NCAPH: variants seen among roughly 807,000 people sequenced by gnomAD.
NCAPH encodes the protein non-SMC condensin I complex subunit H.
Under a neutral mutation model 85.5 loss-of-function variants are expected in NCAPH, and 38 were observed. The ratio of observed to expected loss-of-function variants is 0.44; its 90% CI spans 0.34 to 0.58. The LOEUF is 0.58. NCAPH is among the 20% of genes least tolerant of loss of function. The probability of loss-of-function intolerance (pLI) is 0.01; values close to 1 mark genes in which losing one functional copy is unlikely to be tolerated. For missense variants in NCAPH, 789 were observed against 916.6 expected (o/e 0.86, Z 1.80); for synonymous variants, 301 against 335.1 (o/e 0.90, Z 1.11).
At chr2:96,366,636 T>C (rs377728934) in intron 14 of NCAPH, among the ~76,000 whole-genome samples, 1 of 152,106 alleles carries the variant, frequency 6.6e-6, no homozygotes. Context: ...CCCAGCACTT[T>C]GGGAGGCCAA....
In NCAPH at chr2:96,373,359, A is replaced by G. The variant is rs1374357979; in HGVS notation, c.*8A>G. On this transcript the variant is annotated 3_prime_UTR_variant, in exon 18 of 18. Transcript: ENST00000240423. Reference sequence around the variant, plus strand: ...GTGAGGCAAGGAGATTGAGTTCACTATGGAGAAGTCAGCAGCAGGAGGCCC... The same window carrying G: ...GTGAGGCAAGGAGATTGAGTTCACTGTGGAGAAGTCAGCAGCAGGAGGCCC... The G allele has an allele frequency of 1.9e-6, 3 of 1,613,084 alleles. No homozygotes were observed. Among genetic ancestry groups the G allele is most frequent in the Admixed American group, 1.7e-5 (1 of 59,966 alleles).
chr2:96,347,951 C>T (rs1210930614), intron 6 of NCAPH, among the ~76,000 whole-genome samples: 5 of 152,122 alleles, frequency 3.3e-5, no homozygotes, highest in South Asian at 4.2e-4. Flanking sequence ...GAGCAGCTGG[C>T]TCTTGTGGGG....
intron 6 of NCAPH, among the ~76,000 whole-genome samples, chr2:96,350,445 G>C (rs916990628): frequency 1.3e-5 from 2 of 152,230 alleles, no homozygotes; most frequent in South Asian, 4.2e-4. Context: ...ACTCTGGATA[G>C]CATTTGAGAA....
intron 9 of NCAPH, 97 bp downstream of exon 9, chr2:96,354,485 T>C (rs1436435359): frequency 1.6e-5 from 18 of 1,093,046 alleles, no homozygotes; most frequent in South Asian, 4.8e-5. Flanking sequence ...TTTCTTTCTT[T>C]TTTTTTCCCC....
rs975653567 is a variant in NCAPH at position 96,367,140 on chromosome 2, C to T, written c.1882-117C>T. ...AACAAAACAAGAGAGCTCTGTAGCT[C>T]CTTGGTTGAAACTGGATTCCTTCTT... On this transcript the variant is annotated intron_variant, in intron 14 of 17. Transcript: ENST00000240423. 11 of 663,236 alleles carry T rather than the reference C, an allele frequency of 1.7e-5. No individual in the cohort carries two copies. The African/African-American group carries it at 2.0e-4, about 12-fold the overall frequency. 41.1% of individuals were successfully genotyped at this position (663,236 alleles called of 1,614,324 possible).
rs753518359 is a variant in NCAPH at position 96,344,085 on chromosome 2, A to G, written c.596-20A>G. 1 of 1,604,338 alleles carries G rather than the reference A, an allele frequency of 6.2e-7. No individual in the cohort carries two copies. The highest frequency in any genetic ancestry group is 8.5e-7 in the Non-Finnish European group (1 of 1,177,064). ...CTTCAAAGCAGCCCTTGCAGTACGC[A>G]ATTGTATTTCTCCTTTTAGATGGAA... On this transcript the variant is annotated intron_variant, in intron 5 of 17. Transcript: ENST00000240423.
At chr2:96,365,748 G>A (rs886494864) in intron 13 of NCAPH, 128 bp from the exon 14 acceptor site, 11 of 901,448 alleles carry the variant, frequency 1.2e-5, no homozygotes, top group East Asian at 2.4e-5. Context: ...GAAGTTCATC[G>A]TAGTGTAACT....
chr2:96,354,403 G>A lies in NCAPH; in HGVS notation c.1208+15G>A, dbSNP rs2064493673. The A allele has an allele frequency of 6.6e-7, 1 of 1,515,670 alleles. No individual in the cohort carries two copies. The highest frequency in any genetic ancestry group is 1.4e-5 in the African/African-American group (1 of 70,958). 93.9% of individuals were successfully genotyped at this position (1,515,670 alleles called of 1,614,324 possible). On this transcript the variant is annotated intron_variant, in intron 9 of 17. Coordinates refer to ENST00000240423, the MANE Select transcript of NCAPH (RefSeq NM_015341.5). ...CAGAGCTGCCAGTAAGGCTCTCAGA[G>A]TCCGAAAGTGTTTCTATAGGAGTTT...
intron 6 of NCAPH, among the ~76,000 whole-genome samples, chr2:96,345,751 T>G (rs1019177838): frequency 2.4e-4 from 36 of 152,054 alleles, no homozygotes; most frequent in African/African-American, 6.3e-4. Flanking sequence ...GAGATATATA[T>G]AGAGAGAGTA....
rs2064595030 is a variant in NCAPH, at chr2:96,360,715, G to A, written c.1587+5G>A. 3 of 1,614,026 alleles carry A rather than the reference G, an allele frequency of 1.9e-6. No individual in the cohort carries two copies. The South Asian group carries it at 3.3e-5, about 18-fold the overall frequency. ...CACCTCAAACCAGGCACCAGGGTAA[G>A]CCTATTTCTTGGTTCCTTTAAGCAC... is the stretch of plus-strand genomic sequence containing the variant. On this transcript the variant is annotated splice_donor_5th_base_variant and intron_variant, in intron 12 of 17. Transcript: ENST00000240423.
rs2064712820 is a variant in NCAPH at position 96,367,244 on chromosome 2, A to G, written c.1882-13A>G. On this transcript the variant is annotated splice_polypyrimidine_tract_variant and intron_variant, in intron 14 of 17. Coordinates refer to ENST00000240423, the MANE Select transcript of NCAPH (RefSeq NM_015341.5). ...ATTCTGCTTAGTTTTACTTTGTCAT[A>G]TACCTATTTCAGGTAAATAAAATTG... 6.4e-7 allele frequency: 1 copy of G among 1,552,200 alleles called. No homozygotes were observed. The highest frequency in any genetic ancestry group is 1.4e-5 in the African/African-American group (1 of 73,584).
At chr2:96,356,772 C>T (rs1034092861) in intron 9 of NCAPH, among the ~76,000 whole-genome samples, 1 of 152,174 alleles carries the variant, frequency 6.6e-6, no homozygotes, top group Non-Finnish European at 1.5e-5. Flanking sequence ...AACCACTGTA[C>T]TCTACTGAGA....
rs749629714 is a variant in NCAPH, at chr2:96,342,155, G to T, written c.363+15G>T. The T allele has an allele frequency of 1.3e-6, 2 of 1,574,382 alleles. No individual in the cohort carries two copies. The highest frequency in any genetic ancestry group is 2.2e-5 in the South Asian group (2 of 90,188). ...CCACTGAAAATGTGAGTATTTGCTG[G>T]TTTATTATTGAAGACGTAATCCCTT... On this transcript the variant is annotated intron_variant, in intron 3 of 17. Coordinates refer to ENST00000240423, the MANE Select transcript of NCAPH (RefSeq NM_015341.5).
intron 15 of NCAPH, 62 bp downstream of exon 15, chr2:96,367,435 A>G (rs2064715850): frequency 1.7e-6 from 2 of 1,169,170 alleles, no homozygotes; most frequent in Non-Finnish European, 2.5e-6. Context: ...GTTGATGTCT[A>G]CAGCTGAAGA....
At position 96,351,823 on chromosome 2, in the gene NCAPH, G is replaced by A; in HGVS notation, c.721-8G>A. On this transcript the variant is annotated splice_region_variant and splice_polypyrimidine_tract_variant and intron_variant, in intron 6 of 17. Transcript: ENST00000240423. ...TAAATCTTCAGTTTCTTCTCTCTCT[G>A]TGTTCAGATTGATCCCATGTTTCAG... The A allele has an allele frequency of 1.3e-6, 2 of 1,584,638 alleles. No individual in the cohort carries two copies. Among genetic ancestry groups the A allele is most frequent in the Non-Finnish European group, 1.7e-6 (2 of 1,167,984 alleles).
chr2:96,360,269 G>A lies in NCAPH; in HGVS notation c.1464+20G>A. ...ACAAAGGTTTGTACTGAATTTATTA[G>A]GATTGTGCTTACTCGTTTTTCCCTT... On this transcript the variant is annotated intron_variant, in intron 11 of 17. Transcript: ENST00000240423. 1 of 1,293,012 alleles carries A rather than the reference G, an allele frequency of 7.7e-7. No homozygotes were observed. Among genetic ancestry groups the A allele is most frequent in the Non-Finnish European group, 1.1e-6 (1 of 907,758 alleles). The allele number at this position is 1,293,012 out of a possible 1,614,324, so 80.1% of individuals were successfully genotyped here.
intron 9 of NCAPH, among the ~76,000 whole-genome samples, chr2:96,358,015 G>A (rs924396239): frequency 2.6e-5 from 4 of 152,118 alleles, no homozygotes; most frequent in Admixed American, 6.5e-5. Flanking sequence ...ATCCTGACAC[G>A]CCTGTAATCC....
chr2:96,374,169 ACCCAAG>A lies in NCAPH; in HGVS notation c.*819_*824del, dbSNP rs2064807531. Among the ~76,000 whole-genome samples the A allele has an allele frequency of 1.3e-5, 2 of 152,218 alleles. No homozygotes were observed. The highest frequency in any genetic ancestry group is 4.8e-5 in the African/African-American group (2 of 41,460). On this transcript the variant is annotated 3_prime_UTR_variant, in exon 18 of 18. Coordinates refer to ENST00000240423, the MANE Select transcript of NCAPH (RefSeq NM_015341.5). The stretch of plus-strand genomic sequence containing the variant: ...TCTCATGTTGGAGGAGGAAACGGAC[ACCCAAG>A]GTAGAGGAACTTGCAAAAGGGCAGC...
intron 11 of NCAPH, 86 bp from the exon 12 acceptor site, chr2:96,360,502 A>G (rs2064590689): frequency 6.6e-7 from 1 of 1,508,334 alleles, no homozygotes; most frequent in Non-Finnish European, 9.1e-7. Flanking sequence ...ATGCTGCCCA[A>G]ACCCTTCCCA....
Sources: allele counts gnomAD v4.1 joint callset (sites outside exome capture counted in the v4.1 genomes callset), GRCh38; gene constraint gnomAD v4.1.1; transcripts MANE v1.5; gene names NCBI Gene and HGNC (gene_info 2026-07-23, HGNC 2026-07-21).